Variants in COL9A2 observed in about 807,000 individuals in gnomAD.
COL9A2 encodes collagen type IX alpha 2 chain.
COL9A2 carries 66 observed loss-of-function variants against 111.6 expected under a neutral mutation model. That is an observed-to-expected ratio of 0.59 (90% confidence interval 0.48 to 0.73). The LOEUF is 0.73. COL9A2 is among the 30% of genes least tolerant of loss of function. The pLI, the probability that COL9A2 is intolerant of heterozygous loss-of-function variation, is 0.00. For missense variants in COL9A2, 881 were observed against 954.1 expected (o/e 0.92, Z 1.01); for synonymous variants, 353 against 364.1 (o/e 0.97, Z 0.35).
Position 40,311,991 on chromosome 1 carries a change from G to T in COL9A2, c.417+68C>A. 2 of 1,510,818 alleles carry T rather than the reference G, an allele frequency of 1.3e-6. No homozygotes were observed. Among genetic ancestry groups the T allele is most frequent in the South Asian group, 1.2e-5 (1 of 84,204 alleles). 93.6% of individuals were successfully genotyped at this position (1,510,818 alleles called of 1,614,324 possible). On this transcript the variant is annotated intron_variant, in intron 8 of 31. Coordinates refer to ENST00000372748, the MANE Select transcript of COL9A2 (RefSeq NM_001852.4). The surrounding 1 kb of genome is among the most constrained non-coding windows in gnomAD (Gnocchi z 5.1). ...GAGCAGGCCCAGGAACTTCCAGAAA[G>T]ACCACCCAGCTTGCCAGCTTGGAGA...
chr1:40,311,071 A>G lies in COL9A2; in HGVS notation c.630+22T>C. On this transcript the variant is annotated intron_variant, in intron 12 of 31. Transcript: ENST00000372748. The surrounding 1 kb of genome is among the most constrained non-coding windows in gnomAD (Gnocchi z 5.1). ...CCATCTCCACGTATCCCTGACCCAC[A>G]GCCCTCAGCCCTTGCACTCACCGGC... 1.2e-6 allele frequency: 2 copies of G among 1,613,746 alleles called. No individual in the cohort carries two copies. Among genetic ancestry groups the G allele is most frequent in the South Asian group, 2.2e-5 (2 of 91,070 alleles).
chr1:40,303,892 C>T lies in COL9A2; in HGVS notation c.1368+36G>A, dbSNP rs1326963464. 1.3e-5 allele frequency: 20 copies of T among 1,549,308 alleles called. No individual in the cohort carries two copies. Among genetic ancestry groups the T allele is most frequent in the Non-Finnish European group, 1.5e-5 (17 of 1,146,556 alleles). On this transcript the variant is annotated intron_variant, in intron 26 of 31. Coordinates refer to ENST00000372748, the MANE Select transcript of COL9A2 (RefSeq NM_001852.4). This position sits in a 1 kb window ranked among gnomAD's most constrained non-coding sequence, Gnocchi z 4.6. ...AAGCCGCGGGGACCCCGGGGCCAGCCGCCGCTCCCCGCCCTTCCCTAGGCC... is the reference window on the plus strand; with the variant it reads ...AAGCCGCGGGGACCCCGGGGCCAGCTGCCGCTCCCCGCCCTTCCCTAGGCC...
rs1251154318 is a variant in COL9A2, at chr1:40,311,482, C to A, written c.519+18G>T. ...CCCGCCCCCCTGTGTTAGCCCCGCC[C>A]CAGACCTCGTCTCTCACCAGGAAAT... On this transcript the variant is annotated intron_variant, in intron 10 of 31. Coordinates refer to ENST00000372748, the MANE Select transcript of COL9A2 (RefSeq NM_001852.4). The surrounding 1 kb of genome is among the most constrained non-coding windows in gnomAD (Gnocchi z 5.1). 6.2e-7 allele frequency: 1 copy of A among 1,613,608 alleles called. No homozygotes were observed. Among genetic ancestry groups the A allele is most frequent in the South Asian group, 1.1e-5 (1 of 91,058 alleles).
rs1486535041 is a variant in COL9A2 at position 40,307,897 on chromosome 1, T to TGGGGGAGGGGAGTTGAAG, written c.901-159_901-142dup. The TGGGGGAGGGGAGTTGAAG allele has an allele frequency of 1.1e-6, 1 of 883,286 alleles. No homozygotes were observed. Among genetic ancestry groups the TGGGGGAGGGGAGTTGAAG allele is most frequent in the Non-Finnish European group, 1.8e-6 (1 of 545,590 alleles). 54.7% of individuals were successfully genotyped at this position (883,286 alleles called of 1,614,324 possible). A position where few individuals can be genotyped will look rare whatever the true frequency, so the allele number is the denominator to read the frequency against. ...ATCCCAGGAAGCCCCACTGGCCAACTGGGGGAGGGGAGTTGAAGTGGGAAG... is the reference window on the plus strand; with the variant it reads ...ATCCCAGGAAGCCCCACTGGCCAACTGGGGGAGGGGAGTTGAAGGGGGGAGGGGAGTTGAAGTGGGAAG... On this transcript the variant is annotated intron_variant, in intron 17 of 31. Transcript: ENST00000372748. The surrounding 1 kb of genome is among the most constrained non-coding windows in gnomAD (Gnocchi z 4.8).
chr1:40,302,002 G>C lies in COL9A2; in HGVS notation c.1793-113C>G. 2 of 1,097,118 alleles carry C rather than the reference G, an allele frequency of 1.8e-6. No homozygotes were observed. Among genetic ancestry groups the C allele is most frequent in the Non-Finnish European group, 2.7e-6 (2 of 742,384 alleles). 68.0% of individuals were successfully genotyped at this position (1,097,118 alleles called of 1,614,324 possible). On this transcript the variant is annotated intron_variant, in intron 30 of 31. Coordinates refer to ENST00000372748, the MANE Select transcript of COL9A2 (RefSeq NM_001852.4). The surrounding 1 kb of genome is among the most constrained non-coding windows in gnomAD (Gnocchi z 4.5). ...TCCTGTTTTGTGCTAGTTTGTAATA[G>C]AGGAAAGTTGGAAATGGTCACGCAG...
chr1:40,309,819 A>T, intron 16 of COL9A2, 119 bp downstream of exon 16: 1 of 954,374 alleles, frequency 1.0e-6, no homozygotes, highest in Non-Finnish European at 1.7e-6. Flanking sequence ...CACACACACT[A>T]CACATTCACA....
At chr1:40,308,826 G>C (rs750560982) in intron 16 of COL9A2, among the ~76,000 whole-genome samples, 43 of 152,172 alleles carry the variant, frequency 2.8e-4, no homozygotes, top group African/African-American at 9.4e-4. Context: ...AGGAAGGAGG[G>C]GTCTGGGGGA....
chr1:40,316,619 C>T lies in COL9A2; in HGVS notation c.75+504G>A, dbSNP rs755275024. ...CCGCAGGCGAGCTCGAAACCACACC[C>T]AGCACCCGACCGGGCCCAGTCTCTG... On this transcript the variant is annotated intron_variant, in intron 1 of 31. Transcript: ENST00000372748. The surrounding 1 kb of genome is among the most constrained non-coding windows in gnomAD (Gnocchi z 5.5). 1 of 455,252 alleles carries T rather than the reference C, an allele frequency of 2.2e-6. No homozygotes were observed. The highest frequency in any genetic ancestry group is 1.6e-5 in the South Asian group (1 of 64,498). The allele number at this position is 455,252 out of a possible 1,614,324, so 28.2% of individuals were successfully genotyped here. A position where few individuals can be genotyped will look rare whatever the true frequency, so the allele number is the denominator to read the frequency against.
intron 31 of COL9A2, 41 bp downstream of exon 31, chr1:40,301,771 G>C: frequency 6.3e-7 from 1 of 1,587,164 alleles, no homozygotes; most frequent in East Asian, 2.2e-5. Context: ...TAATTCCCAA[G>C]CTGAGGAACA....
At position 40,314,391 on chromosome 1, in the gene COL9A2, C is replaced by T. The variant is rs528959102; in HGVS notation, c.151-4G>A. 2 of 1,614,164 alleles carry T rather than the reference C, an allele frequency of 1.2e-6. No individual in the cohort carries two copies. Among genetic ancestry groups the T allele is most frequent in the Non-Finnish European group, 1.7e-6 (2 of 1,180,030 alleles). Reference sequence around the variant, plus strand: ...TTCCAGGGGGCCCATTGTCACCCTGCAAGATACAAGTTGGTGAGACAGCAC... The same window carrying T: ...TTCCAGGGGGCCCATTGTCACCCTGTAAGATACAAGTTGGTGAGACAGCAC... On this transcript the variant is annotated splice_polypyrimidine_tract_variant and splice_region_variant and intron_variant, in intron 2 of 31. Coordinates refer to ENST00000372748, the MANE Select transcript of COL9A2 (RefSeq NM_001852.4). This position sits in a 1 kb window ranked among gnomAD's most constrained non-coding sequence, Gnocchi z 4.1.
intron 21 of COL9A2, 140 bp from the exon 22 acceptor site, chr1:40,304,987 T>C: frequency 1.6e-6 from 1 of 640,802 alleles, no homozygotes; most frequent in South Asian, 2.0e-5. Context: ...TTCCATGGTT[T>C]TGGGTCCCTG....
At position 40,311,560 on chromosome 1, in the gene COL9A2, A is replaced by G; in HGVS notation, c.472-13T>C. On this transcript the variant is annotated splice_polypyrimidine_tract_variant and intron_variant, in intron 9 of 31. Coordinates refer to ENST00000372748, the MANE Select transcript of COL9A2 (RefSeq NM_001852.4). This position sits in a 1 kb window ranked among gnomAD's most constrained non-coding sequence, Gnocchi z 5.1. ...TTCCCGGGCGACCCTGAGAGGAGAC[A>G]TGAAGATGGAGCTTGGCCTGACCCT... The G allele has an allele frequency of 1.2e-6, 2 of 1,613,614 alleles. No homozygotes were observed. The highest frequency in any genetic ancestry group is 4.5e-5 in the East Asian group (2 of 44,814).
chr1:40,303,075 G>T lies in COL9A2; in HGVS notation c.1603+56C>A. On this transcript the variant is annotated intron_variant, in intron 29 of 31. Coordinates refer to ENST00000372748, the MANE Select transcript of COL9A2 (RefSeq NM_001852.4). This position sits in a 1 kb window ranked among gnomAD's most constrained non-coding sequence, Gnocchi z 4.6. The stretch of plus-strand genomic sequence containing the variant: ...GAACACGTGGAGGCTCCGGGAGGGG[G>T]TGAGGGGGCGGCGATGCCCTCGAAC... 1.3e-6 allele frequency: 2 copies of T among 1,556,920 alleles called. No homozygotes were observed. The highest frequency in any genetic ancestry group is 1.8e-5 in the Admixed American group (1 of 55,884).
At position 40,312,669 on chromosome 1, in the gene COL9A2, T is replaced by C. The variant is rs1644151087; in HGVS notation, c.304-60A>G. The C allele has an allele frequency of 3.1e-6, 5 of 1,597,916 alleles. No homozygotes were observed. In the Admixed American group the frequency reaches 8.7e-5, roughly 28 times the overall value. On this transcript the variant is annotated intron_variant, in intron 5 of 31. Coordinates refer to ENST00000372748, the MANE Select transcript of COL9A2 (RefSeq NM_001852.4). This position sits in a 1 kb window ranked among gnomAD's most constrained non-coding sequence, Gnocchi z 6.0. ...GTTTCCCCGGCTCCTACTTCCTCTC[T>C]ACAGCCACTCCCAAACGCTGGCCCT...
At chr1:40,313,697 T>C (rs936725989) in intron 4 of COL9A2, among the ~76,000 whole-genome samples, 1 of 152,164 alleles carries the variant, frequency 6.6e-6, no homozygotes, top group Non-Finnish European at 1.5e-5. Flanking sequence ...ACTGACCCAG[T>C]GTAACCCCCA....
Position 40,314,271 on chromosome 1 carries a change from G to T in COL9A2, c.187-4C>A, listed in dbSNP as rs772415500. On this transcript the variant is annotated splice_region_variant and splice_polypyrimidine_tract_variant and intron_variant, in intron 3 of 31. Coordinates refer to ENST00000372748, the MANE Select transcript of COL9A2 (RefSeq NM_001852.4). This position sits in a 1 kb window ranked among gnomAD's most constrained non-coding sequence, Gnocchi z 4.1. ...TGCCAGGCTCGCCCTTGGGTCCCTT[G>T]AAAACAGAGATGGAACAAACATGAG... is the stretch of plus-strand genomic sequence containing the variant. The T allele has an allele frequency of 2.5e-6, 4 of 1,614,086 alleles. No individual in the cohort carries two copies. The East Asian group carries it at 8.9e-5, about 36-fold the overall frequency.
At position 40,303,102 on chromosome 1, in the gene COL9A2, G is replaced by A. The variant is rs751435266; in HGVS notation, c.1603+29C>T. ...GAGGGGGCGGCGATGCCCTCGAACT[G>A]ACTGTGAGGAGGGGTTGCTGCCCCT... On this transcript the variant is annotated intron_variant, in intron 29 of 31. Coordinates refer to ENST00000372748, the MANE Select transcript of COL9A2 (RefSeq NM_001852.4). The surrounding 1 kb of genome is among the most constrained non-coding windows in gnomAD (Gnocchi z 4.6). The A allele has an allele frequency of 2.5e-6, 4 of 1,608,586 alleles. No individual in the cohort carries two copies. The East Asian group carries it at 6.7e-5, about 27-fold the overall frequency.
In COL9A2 at chr1:40,314,537, A is replaced by G; in HGVS notation, c.151-150T>C. ...TAAGCCTTGCAATCTTTGGGAAAAG[A>G]GCCCCCTTTTCCTCAAAAATAAAAA... On this transcript the variant is annotated intron_variant, in intron 2 of 31. Coordinates refer to ENST00000372748, the MANE Select transcript of COL9A2 (RefSeq NM_001852.4). This position sits in a 1 kb window ranked among gnomAD's most constrained non-coding sequence, Gnocchi z 4.1. The G allele has an allele frequency of 1.0e-6, 1 of 956,422 alleles. No homozygotes were observed. The highest frequency in any genetic ancestry group is 1.7e-6 in the Non-Finnish European group (1 of 602,954). The allele number at this position is 956,422 out of a possible 1,614,324, so 59.2% of individuals were successfully genotyped here. A position where few individuals can be genotyped will look rare whatever the true frequency, so the allele number is the denominator to read the frequency against.
At chr1:40,306,442 C>T (rs1452860689) in intron 19 of COL9A2, among the ~76,000 whole-genome samples, 1 of 152,186 alleles carries the variant, frequency 6.6e-6, no homozygotes, top group Non-Finnish European at 1.5e-5. Context: ...GGTGCCTGAG[C>T]CCATGTGAGT....
Sources: allele counts gnomAD v4.1 joint callset (sites outside exome capture counted in the v4.1 genomes callset), GRCh38; gene constraint gnomAD v4.1.1; non-coding constraint Gnocchi (gnomAD v3.1); transcripts MANE v1.5; gene names NCBI Gene and HGNC (gene_info 2026-07-23, HGNC 2026-07-21).